Variants in TTBK1 observed in about 807,000 individuals in gnomAD.
TTBK1 encodes tau-tubulin kinase 1.
Under a neutral mutation model 108.5 loss-of-function variants are expected in TTBK1, and 34 were observed. That is an observed-to-expected ratio of 0.31 (90% CI 0.24 to 0.42). The LOEUF (loss-of-function observed/expected upper bound fraction) is 0.42, where lower values mean the gene tolerates loss of function less well. Ranked by LOEUF, TTBK1 falls within the 10% of genes least tolerant of loss-of-function variation. The pLI is 1.00. For synonymous variants in TTBK1, 809 were observed against 795.1 expected, an observed-to-expected ratio of 1.02 and a Z score of -0.29; for missense variants, 1,539 against 1,826.0, an observed-to-expected ratio of 0.84 and a Z score of 2.86.
At position 43,259,803 on chromosome 6, in the gene TTBK1, C is replaced by T. The variant is rs556062585; in HGVS notation, c.1424+97C>T. The T allele has an allele frequency of 3.9e-6, 5 of 1,298,190 alleles. No individual in the cohort carries two copies. The highest frequency in any genetic ancestry group is 3.1e-5 in the South Asian group (2 of 63,676). The allele number at this position is 1,298,190 out of a possible 1,614,324, so 80.4% of individuals were successfully genotyped here. ...AAGTTAGATGTGTGGCGGAGGTGGG[C>T]AGACCCTGGGAAGTGCTGAGAGGGT... On this transcript the variant is annotated intron_variant, in intron 12 of 14. Transcript: ENST00000259750. The surrounding 1 kb of genome is among the most constrained non-coding windows in gnomAD (Gnocchi z 6.7).
rs1247096914 is a variant in TTBK1, at chr6:43,273,468, G to T, written c.1987-9259G>T. Among the ~76,000 whole-genome samples, 1 of 152,210 alleles carries T rather than the reference G, an allele frequency of 6.6e-6. No individual in the cohort carries two copies. The highest frequency in any genetic ancestry group is 1.5e-5 in the Non-Finnish European group (1 of 68,042). ...ACATGGCCCCAAGCATCCCACAGCA[G>T]CTCTGGGGATCAGGTGGGCAGAGGA... On this transcript the variant is annotated intron_variant, in intron 13 of 14. Transcript: ENST00000259750. This position sits in a 1 kb window ranked among gnomAD's most constrained non-coding sequence, Gnocchi z 4.2.
Position 43,263,037 on chromosome 6 carries a change from G to A in TTBK1, c.1673G>A (p.Gly558Glu). ...KETELKDFPP[G>E]AEPSTSGTTD... ...ACGGAGCTCAAGGACTTCCCTCCAG[G>A]GGCTGAGCCCAGCACATCGGGCACC... Residue 558 changes from glycine (G) to glutamate (E), a missense_variant, in exon 13 of 15, where the codon GGG becomes GAG. This residue lies in a region of TTBK1 where 1,055 missense variants were observed against 1,086.5 expected (regional missense o/e 0.97). Coordinates refer to ENST00000259750, the MANE Select transcript of TTBK1 (RefSeq NM_032538.3). This position sits in a 1 kb window ranked among gnomAD's most constrained non-coding sequence, Gnocchi z 4.7. The A allele has an allele frequency of 6.3e-7, 1 of 1,596,552 alleles. No homozygotes were observed. The highest frequency in any genetic ancestry group is 1.1e-5 in the South Asian group (1 of 88,316).
intron 13 of TTBK1, among the ~76,000 whole-genome samples, chr6:43,268,177 T>C (rs1274090851): frequency 6.6e-6 from 1 of 152,112 alleles, no homozygotes; most frequent in African/African-American, 2.4e-5. Context: ...CCTATGAAAA[T>C]CCTTCTGCCT....
intron 10 of TTBK1, among the ~76,000 whole-genome samples, chr6:43,258,510 A>G (rs1777436179): frequency 6.6e-6 from 1 of 152,152 alleles, no homozygotes; most frequent in African/African-American, 2.4e-5. Context: ...AAGGAGACTT[A>G]ACAGGAGTTG....
At chr6:43,255,948 C>A (rs948028611) in intron 9 of TTBK1, 92 bp downstream of exon 9, 25 of 1,515,970 alleles carry the variant, frequency 1.6e-5, no homozygotes, top group Non-Finnish European at 2.2e-5. Flanking sequence ...GGCTCCACAG[C>A]CCTGCCTTGT....
chr6:43,245,666 C>G (rs1171933941), intron 1 of TTBK1, among the ~76,000 whole-genome samples: 2 of 152,146 alleles, frequency 1.3e-5, no homozygotes, highest in East Asian at 1.9e-4. Context: ...TCCCAACCCC[C>G]GCCGTTGGGA....
chr6:43,246,794 A>C (rs1777100449), intron 2 of TTBK1, 26 bp downstream of exon 2: 2 of 1,583,200 alleles, frequency 1.3e-6, no homozygotes, highest in African/African-American at 2.7e-5. Flanking sequence ...GGCGGGACAG[A>C]GGGAGGGTAG....
chr6:43,270,530 C>T (rs1048373636), intron 13 of TTBK1: 16 of 985,252 alleles, frequency 1.6e-5, no homozygotes, highest in African/African-American at 7.0e-5. Flanking sequence ...GCTCAGTGAT[C>T]GGGGGAGGAG....
At chr6:43,266,779 C>T (rs1158160655) in intron 13 of TTBK1, among the ~76,000 whole-genome samples, 1 of 151,882 alleles carries the variant, frequency 6.6e-6, no homozygotes, top group Non-Finnish European at 1.5e-5. Context: ...ACCACCACAC[C>T]CGGCTAATTT....
chr6:43,253,194 A>AG lies in TTBK1; in HGVS notation c.257-94dup. 1 of 1,344,946 alleles carries AG rather than the reference A, an allele frequency of 7.4e-7. No individual in the cohort carries two copies. The highest frequency in any genetic ancestry group is 2.3e-5 in the East Asian group (1 of 43,676). The allele number at this position is 1,344,946 out of a possible 1,614,324, so 83.3% of individuals were successfully genotyped here. ...CAGGTGCTCACAGGGCCAGCACTGG[A>AG]GGGACCAGGAATCAAGAGTGCACTA... On this transcript the variant is annotated intron_variant, in intron 3 of 14. Coordinates refer to ENST00000259750, the MANE Select transcript of TTBK1 (RefSeq NM_032538.3). This position sits in a 1 kb window ranked among gnomAD's most constrained non-coding sequence, Gnocchi z 5.8.
chr6:43,259,613 C>T lies in TTBK1; in HGVS notation c.1331C>T (p.Thr444Ile), dbSNP rs1777481831. 1 of 1,611,878 alleles carries T rather than the reference C, an allele frequency of 6.2e-7. No homozygotes were observed. Among genetic ancestry groups the T allele is most frequent in the East Asian group, 2.2e-5 (1 of 44,842 alleles). ...CGTGCCCCCCCAGACTCCCCCACAACCCCAGTCCGTTCTCTGCGCTACCGG... is the reference window on the plus strand; with the variant it reads ...CGTGCCCCCCCAGACTCCCCCACAATCCCAGTCCGTTCTCTGCGCTACCGG... ...PVRAPPDSPT[T>I]PVRSLRYRRV... The change falls in exon 12 of 15, where the codon ACC becomes ATC. Residue 444 changes from threonine (T) to isoleucine (I), a missense_variant. Physicochemically the swap from Thr to Ile is moderately conservative, Grantham distance 89 (BLOSUM62 -1). Transcript: ENST00000259750. The surrounding 1 kb of genome is among the most constrained non-coding windows in gnomAD (Gnocchi z 6.7).
Position 43,285,458 on chromosome 6 carries a change from ACAGC to A in TTBK1, c.*84_*87del. The stretch of plus-strand genomic sequence containing the variant: ...CGGCCACACTGGAGCAGCTCCCAGC[ACAGC>A]CTTACGCGCCCGACGCGCGCCACCC... On this transcript the variant is annotated 3_prime_UTR_variant, in exon 15 of 15. Transcript: ENST00000259750. The surrounding 1 kb of genome is among the most constrained non-coding windows in gnomAD (Gnocchi z 4.7). The A allele has an allele frequency of 8.2e-7, 1 of 1,222,578 alleles. No homozygotes were observed. Among genetic ancestry groups the A allele is most frequent in the South Asian group, 4.1e-5 (1 of 24,372 alleles). 75.7% of individuals were successfully genotyped at this position (1,222,578 alleles called of 1,614,324 possible).
chr6:43,246,977 C>G (rs1340512893), intron 2 of TTBK1, among the ~76,000 whole-genome samples: 1 of 152,202 alleles, frequency 6.6e-6, no homozygotes, highest in Non-Finnish European at 1.5e-5. Flanking sequence ...CCCGCCCTCT[C>G]TCACCCCTCT....
chr6:43,280,540 T>G (rs1778128600), intron 13 of TTBK1, among the ~76,000 whole-genome samples: 1 of 152,166 alleles, frequency 6.6e-6, no homozygotes, highest in Non-Finnish European at 1.5e-5. Context: ...CATCTCTATC[T>G]TGTTCATACT....
At position 43,259,705 on chromosome 6, in the gene TTBK1, A is replaced by G; in HGVS notation, c.1423A>G (p.Arg475Gly). The G allele has an allele frequency of 6.3e-7, 1 of 1,580,360 alleles. No homozygotes were observed. The highest frequency in any genetic ancestry group is 8.6e-7 in the Non-Finnish European group (1 of 1,164,126). Residue 475 changes from arginine (R) to glycine (G), a missense_variant and splice_region_variant, in exon 12 of 15, where the codon AGG (arginine) becomes GGG (glycine). Around this residue, in one of 5 missense-constraint regions of TTBK1, gnomAD observed 277 missense variants for 332.4 expected, o/e 0.83. Coordinates refer to ENST00000259750, the MANE Select transcript of TTBK1 (RefSeq NM_032538.3). The surrounding 1 kb of genome is among the most constrained non-coding windows in gnomAD (Gnocchi z 6.7). ...ADGRVELPER[R>G]SRMDLPGSPS... ...CGGGCGAGTGGAGCTACCTGAGAGG[A>G]GGTGGGTCTGGGGCCAGGGGCATGG...
Position 43,263,376 on chromosome 6 carries a change from C to G in TTBK1, c.1986+26C>G. 1 of 1,447,308 alleles carries G rather than the reference C, an allele frequency of 6.9e-7. No homozygotes were observed. The allele number at this position is 1,447,308 out of a possible 1,614,324, so 89.7% of individuals were successfully genotyped here. A position where few individuals can be genotyped will look rare whatever the true frequency, so the allele number is the denominator to read the frequency against. ...GTAAGGTTGGGCTTGCACCCCACTC[C>G]CCATCTCCAGATGCCCAGAGTCCTG... On this transcript the variant is annotated intron_variant, in intron 13 of 14. Transcript: ENST00000259750. The surrounding 1 kb of genome is among the most constrained non-coding windows in gnomAD (Gnocchi z 4.7).
intron 13 of TTBK1, chr6:43,271,266 G>A (rs1777826327): frequency 1.2e-5 from 12 of 985,510 alleles, no homozygotes; most frequent in African/African-American, 1.7e-5. Context: ...GTGCATGCGC[G>A]TACACTTGTG....
Position 43,285,547 on chromosome 6 carries a change from C to A in TTBK1, c.*171C>A. 1.1e-6 allele frequency: 1 copy of A among 914,602 alleles called. No homozygotes were observed. The highest frequency in any genetic ancestry group is 1.7e-5 in the African/African-American group (1 of 57,600). 56.7% of individuals were successfully genotyped at this position (914,602 alleles called of 1,614,324 possible). A position where few individuals can be genotyped will look rare whatever the true frequency, so the allele number is the denominator to read the frequency against. ...GCGCGCGAGCACACGCGGCGCCCCGCCAGGCCTTAGGGCCCGTGGGGGACG... is the reference window on the plus strand; with the variant it reads ...GCGCGCGAGCACACGCGGCGCCCCGACAGGCCTTAGGGCCCGTGGGGGACG... On this transcript the variant is annotated 3_prime_UTR_variant, in exon 15 of 15. Coordinates refer to ENST00000259750, the MANE Select transcript of TTBK1 (RefSeq NM_032538.3). This position sits in a 1 kb window ranked among gnomAD's most constrained non-coding sequence, Gnocchi z 4.7.
intron 13 of TTBK1, chr6:43,272,207 C>A (rs2756187): frequency 1.0e-6 from 1 of 985,402 alleles, no homozygotes; most frequent in Non-Finnish European, 1.2e-6. Context: ...AGGGCCCCCC[C>A]ACCCAATCTG....
Sources: gnomAD v4.1 joint callset for allele counts (sites outside exome capture counted in the v4.1 genomes callset) on GRCh38, gnomAD v4.1.1 for gene constraint, gnomAD v4.1.1 regional missense constraint, Gnocchi (gnomAD v3.1) non-coding constraint, MANE v1.5 for transcripts, NCBI Gene and HGNC (gene_info 2026-07-23, HGNC 2026-07-21) for gene names.